CCNB2: variants seen among roughly 807,000 people sequenced by gnomAD.
The protein encoded by CCNB2 is G2/mitotic-specific cyclin-B2.
Under a neutral mutation model 51.1 loss-of-function variants are expected in CCNB2, and 39 were observed. The ratio of observed to expected loss-of-function variants is 0.76; its 90% CI spans 0.59 to 1.00. CCNB2 has a LOEUF of 1.00. Ranked by LOEUF, CCNB2 falls within the 50% of genes least tolerant of loss-of-function variation. The probability of loss-of-function intolerance (pLI) is 0.00; values close to 1 mark genes in which losing one functional copy is unlikely to be tolerated. For missense variants in CCNB2, 472 were observed against 470.3 expected (o/e 1.00, Z -0.03); for synonymous variants, 174 against 165.5 (o/e 1.05, Z -0.40).
rs3052992 is a variant in CCNB2, at chr15:59,121,931, C to CAAA, written c.976-1558_976-1556dup. Among the ~76,000 whole-genome samples the CAAA allele has an allele frequency of 6.9e-3, 97 of 14,098 alleles. 9 individuals carry two copies. Among genetic ancestry groups the CAAA allele is most frequent in the African/African-American group, 0.016 (84 of 5,334 alleles). 9.2% of individuals were successfully genotyped at this position (14,098 alleles called of 152,430 possible). On this transcript the variant is annotated intron_variant, in intron 7 of 8. Coordinates refer to ENST00000288207, the MANE Select transcript of CCNB2 (RefSeq NM_004701.4). ...TGGGCGACAGAATGAGACTCTGTCT[C>CAAA]AAAAAAAAAAAAAAAAAAAAAAAAA... is the stretch of plus-strand genomic sequence containing the variant.
In CCNB2 at chr15:59,124,928, G is replaced by A. The variant is rs1252578873; in HGVS notation, c.*51G>A. 8.9e-7 allele frequency: 1 copy of A among 1,120,840 alleles called. No homozygotes were observed. 69.4% of individuals were successfully genotyped at this position (1,120,840 alleles called of 1,614,324 possible). A position where few individuals can be genotyped will look rare whatever the true frequency, so the allele number is the denominator to read the frequency against. ...GCTTCATTGTGCCCTTTTTCTTATT[G>A]GTTTAGAACTCTTGATTTTGTACAT... On this transcript the variant is annotated 3_prime_UTR_variant, in exon 9 of 9. Transcript: ENST00000288207.
In CCNB2 at chr15:59,124,942, G is replaced by A. The variant is rs2079319091; in HGVS notation, c.*65G>A. ...TTTTTCTTATTGGTTTAGAACTCTT[G>A]ATTTTGTACATAGTCCTCTGGTCTA... On this transcript the variant is annotated 3_prime_UTR_variant, in exon 9 of 9. Coordinates refer to ENST00000288207, the MANE Select transcript of CCNB2 (RefSeq NM_004701.4). The A allele has an allele frequency of 6.4e-6, 6 of 935,736 alleles. No homozygotes were observed. The highest frequency in any genetic ancestry group is 9.5e-6 in the Non-Finnish European group (6 of 631,316). 58.0% of individuals were successfully genotyped at this position (935,736 alleles called of 1,614,324 possible).
chr15:59,121,949 AAAAAAAAAAAAAGG>A (rs2079303777), intron 7 of CCNB2, among the ~76,000 whole-genome samples: 1 of 144,908 alleles, frequency 6.9e-6, no homozygotes, highest in African/African-American at 2.6e-5. Context: ...AAAAAAAAAA[AAAAAAAAAAAAAGG>A]AGAAATTACC....
At chr15:59,119,646 A>G (rs1285223721) in intron 7 of CCNB2, among the ~76,000 whole-genome samples, 2 of 152,160 alleles carry the variant, frequency 1.3e-5, no homozygotes, top group Non-Finnish European at 2.9e-5. Flanking sequence ...TGTAGGATAA[A>G]ACAAATTTAT....
chr15:59,116,639 G>A (rs2079279833), intron 5 of CCNB2, 51 bp from the exon 6 acceptor site: 2 of 1,330,314 alleles, frequency 1.5e-6, no homozygotes. Context: ...CCCACCTAAA[G>A]CTTCACTCTT....
chr15:59,109,211 C>T lies in CCNB2; in HGVS notation c.267+1541C>T, dbSNP rs781658986. On this transcript the variant is annotated intron_variant, in intron 3 of 8. Transcript: ENST00000288207. ...GATTACAGGTGCATGCTACCATGCC[C>T]AGCTGATTTTCACTATGTTGGCCTG... Among the ~76,000 whole-genome samples the T allele has an allele frequency of 3.3e-5, 5 of 152,072 alleles. No individual in the cohort carries two copies. The South Asian group carries it at 1.0e-3, about 32-fold the overall frequency.
At chr15:59,118,153 G>GT (rs2079286760) in intron 7 of CCNB2, among the ~76,000 whole-genome samples, 2 of 152,242 alleles carry the variant, frequency 1.3e-5, no homozygotes, top group Non-Finnish European at 2.9e-5. Flanking sequence ...GATTTAGCCA[G>GT]TAAGAATAGA....
intron 3 of CCNB2, among the ~76,000 whole-genome samples, chr15:59,109,331 A>G (rs1019849853): frequency 1.3e-5 from 2 of 152,158 alleles, no homozygotes; most frequent in Non-Finnish European, 2.9e-5. Flanking sequence ...TGGCGGTAGT[A>G]TATTTCAAAT....
At position 59,123,643 on chromosome 15, in the gene CCNB2, T is replaced by A; in HGVS notation, c.1086+16T>A. 6.6e-7 allele frequency: 1 copy of A among 1,524,780 alleles called. No homozygotes were observed. Among genetic ancestry groups the A allele is most frequent in the South Asian group, 1.1e-5 (1 of 88,310 alleles). The allele number at this position is 1,524,780 out of a possible 1,614,324, so 94.5% of individuals were successfully genotyped here. ...TAAATTCATCGTAAGTACTACTGTT[T>A]TCTTAAGCTGTGGAAAGCTTTAGGT... On this transcript the variant is annotated intron_variant, in intron 8 of 8. Coordinates refer to ENST00000288207, the MANE Select transcript of CCNB2 (RefSeq NM_004701.4).
At chr15:59,109,382 GA>G (rs767968868) in intron 3 of CCNB2, among the ~76,000 whole-genome samples, 1 of 152,120 alleles carries the variant, frequency 6.6e-6, no homozygotes, top group Non-Finnish European at 1.5e-5. Flanking sequence ...TTTATCCAAA[GA>G]AAATGATCAG....
At chr15:59,108,226 G>T (rs1306094270) in intron 3 of CCNB2, among the ~76,000 whole-genome samples, 7 of 152,194 alleles carry the variant, frequency 4.6e-5, no homozygotes, top group African/African-American at 1.4e-4. Flanking sequence ...TCGTTAAGGA[G>T]TCTGAAAGAC....
intron 7 of CCNB2, among the ~76,000 whole-genome samples, chr15:59,119,029 G>A (rs2140289968): frequency 6.6e-6 from 1 of 152,322 alleles, no homozygotes; most frequent in South Asian, 2.1e-4. Context: ...AAGAATGAAA[G>A]TGGAAACTAT....
At chr15:59,107,697 A>G (rs373482453) in intron 3 of CCNB2, 27 bp downstream of exon 3, 2 of 1,575,946 alleles carry the variant, frequency 1.3e-6, no homozygotes, top group Non-Finnish European at 1.7e-6. Flanking sequence ...TTACAAACGT[A>G]TTTAATGAGG....
intron 7 of CCNB2, among the ~76,000 whole-genome samples, chr15:59,119,600 T>C (rs2079293875): frequency 1.3e-5 from 2 of 152,226 alleles, no homozygotes; most frequent in African/African-American, 4.8e-5. Flanking sequence ...TTAATAGTAA[T>C]CTGTTATTAT....
At chr15:59,123,697 G>T in intron 8 of CCNB2, 70 bp downstream of exon 8, 1 of 755,902 alleles carries the variant, frequency 1.3e-6, no homozygotes, top group Non-Finnish European at 2.3e-6. Flanking sequence ...GTTGGGCGGG[G>T]GGGGGCGGTG....
At chr15:59,119,641 G>T (rs1249443129) in intron 7 of CCNB2, among the ~76,000 whole-genome samples, 4 of 152,012 alleles carry the variant, frequency 2.6e-5, no homozygotes, top group Non-Finnish European at 2.9e-5. Context: ...TGTATTGTAG[G>T]ATAAAACAAA....
chr15:59,111,573 C>T (rs2079257237), intron 3 of CCNB2, among the ~76,000 whole-genome samples: 1 of 152,200 alleles, frequency 6.6e-6, no homozygotes, highest in Non-Finnish European at 1.5e-5. Context: ...TAAACTCCTT[C>T]AGTTTTTCAC....
chr15:59,105,418 A>C, intron 1 of CCNB2, 126 bp downstream of exon 1: 1 of 1,075,970 alleles, frequency 9.3e-7, no homozygotes, highest in Non-Finnish European at 1.3e-6. Context: ...TCCGGAGCTC[A>C]CTGCTTCGCC....
At chr15:59,112,843 G>A (rs2079263275) in intron 3 of CCNB2, among the ~76,000 whole-genome samples, 1 of 151,370 alleles carries the variant, frequency 6.6e-6, no homozygotes, top group African/African-American at 2.4e-5. Flanking sequence ...GACCATCCTG[G>A]CTAACACGGT....
Sources: allele counts gnomAD v4.1 joint callset (sites outside exome capture counted in the v4.1 genomes callset), GRCh38; gene constraint gnomAD v4.1.1; transcripts MANE v1.5; gene names NCBI Gene and HGNC (gene_info 2026-07-23, HGNC 2026-07-21).